ZNF518A: variants seen among roughly 807,000 people sequenced by gnomAD.
The protein encoded by ZNF518A is zinc finger protein 518.
A neutral mutation model predicts 102.7 loss-of-function variants in ZNF518A; 47 were observed. The observed-to-expected ratio is 0.46, with a 90% CI of 0.36 to 0.58. The LOEUF (loss-of-function observed/expected upper bound fraction) is 0.58. Among genes scored for constraint, ZNF518A ranks in the 20% least tolerant of loss-of-function variants. ZNF518A has a pLI of 0.00. For synonymous variants in ZNF518A, 652 were observed against 594.6 expected (o/e 1.10, Z -1.40); for missense variants, 1,793 against 1,699.8 (o/e 1.05, Z -0.96).
intron 3 of ZNF518A, among the ~76,000 whole-genome samples, chr10:96,146,086 A>G (rs373819516): frequency 1.1e-4 from 17 of 152,058 alleles, no homozygotes; most frequent in African/African-American, 3.6e-4. Flanking sequence ...ATTAAACTCT[A>G]TATGTCTACT....
chr10:96,137,102 C>A (rs1554874736), intron 3 of ZNF518A, among the ~76,000 whole-genome samples: 1 of 152,250 alleles, frequency 6.6e-6, no homozygotes, highest in Admixed American at 6.5e-5. Flanking sequence ...TCAGTCACAT[C>A]TGCGCACCTG....
Position 96,156,446 on chromosome 10 carries a change from C to A in ZNF518A, c.124C>A (p.His42Asn). 3.1e-6 allele frequency: 5 copies of A among 1,613,098 alleles called. No individual in the cohort carries two copies. Among genetic ancestry groups the A allele is most frequent in the Non-Finnish European group, 4.2e-6 (5 of 1,179,578 alleles). ...TAAACCAAAAATTTCAGGAAGTATT[C>A]ATTATGCACTAAAAAATGTGAAAAT... ...APKPKISGSIHYALKNVKIDL... is the reference protein window; with the variant it reads ...APKPKISGSINYALKNVKIDL... The change falls in exon 6 of 6, where the codon CAT (histidine) becomes AAT (asparagine). Residue 42 changes from histidine to asparagine, a missense_variant. His to Asn is a moderately conservative substitution (Grantham distance 68). This residue lies in a region of ZNF518A where 1,741 missense variants were observed against 1,622.6 expected (regional missense o/e 1.07). Coordinates refer to ENST00000316045, the MANE Select transcript of ZNF518A (RefSeq NM_001330736.2).
intron 3 of ZNF518A, among the ~76,000 whole-genome samples, chr10:96,146,503 TTTTA>T (rs143124573): frequency 0.07 from 10,659 of 152,238 alleles, 716 homozygotes; most frequent in African/African-American, 0.18. Context: ...GTTTTCTTGT[TTTTA>T]TTTGTTTTGA....
At position 96,158,519 on chromosome 10, in the gene ZNF518A, C is replaced by CT; in HGVS notation, c.2198dup (p.Tyr734ValfsTer3). 3 of 1,612,654 alleles carry CT rather than the reference C, an allele frequency of 1.9e-6. No individual in the cohort carries two copies. Among genetic ancestry groups the CT allele is most frequent in the Non-Finnish European group, 1.7e-6 (2 of 1,179,490 alleles). The stretch of plus-strand genomic sequence containing the variant: ...AGGACAAAACATTGATGGACAAAAC[C>CT]TGTACAGTAATGAAAATCAAAATTT... On this transcript the variant is annotated frameshift_variant, in exon 6 of 6. Transcript: ENST00000316045. LOFTEE classifies it high-confidence loss of function.
chr10:96,183,537 G>A (rs1199203515), intron 1 of ZNF518A, among the ~76,000 whole-genome samples: 2 of 152,196 alleles, frequency 1.3e-5, no homozygotes, highest in Non-Finnish European at 2.9e-5. Flanking sequence ...TCATTTCAAA[G>A]AACATCTTTA....
At chr10:96,150,591 A>G (rs958394115) in intron 3 of ZNF518A, among the ~76,000 whole-genome samples, 2 of 150,592 alleles carry the variant, frequency 1.3e-5, no homozygotes, top group African/African-American at 4.9e-5. Context: ...TTTCAAAATC[A>G]TTATTCCTCC....
downstream of ZNF518A, among the ~76,000 whole-genome samples, chr10:96,167,985 G>A (rs868918125): frequency 3.3e-5 from 5 of 152,168 alleles, no homozygotes; most frequent in Non-Finnish European, 4.4e-5. Flanking sequence ...TGAAAAATTT[G>A]CTCTATATGC....
rs781943716 is a variant in ZNF518A at position 96,156,722 on chromosome 10, G to A, written c.400G>A (p.Asp134Asn). 6.2e-7 allele frequency: 1 copy of A among 1,613,882 alleles called. No individual in the cohort carries two copies. Residue 134 changes from aspartate to asparagine, a missense_variant, in exon 6 of 6, where the codon GAT becomes AAT. Physicochemically the swap from Asp to Asn is conservative, Grantham distance 23. Coordinates refer to ENST00000316045, the MANE Select transcript of ZNF518A (RefSeq NM_001330736.2). ...AGACAACACTCGATATAGCCCAAAT[G>A]ATTTGCAGAAACACTTTCAAATGTG... is the stretch of plus-strand genomic sequence containing the variant. ...CRDNTRYSPN[D>N]LQKHFQMWHH...
At chr10:96,205,153 T>A (rs1469156813), downstream of ZNF518A, 1 of 159,870 alleles carries the variant, frequency 6.3e-6, no homozygotes, top group East Asian at 1.8e-4. Context: ...TAAATCTCAC[T>A]TGCATTTCAG....
rs1218764357 is a variant in ZNF518A at position 96,157,453 on chromosome 10, A to G, written c.1131A>G (p.Leu377=). The G allele has an allele frequency of 9.3e-6, 15 of 1,613,640 alleles. No individual in the cohort carries two copies. The highest frequency in any genetic ancestry group is 1.7e-5 in the Admixed American group (1 of 59,948). The change falls in exon 6 of 6, where the codon CTA becomes CTG. Residue 377 remains leucine, a synonymous_variant. Transcript: ENST00000316045. Reference sequence around the variant, plus strand: ...TAAGTGAAGAAAAGGATGAAAGACTACACTGTGAGAATAATGATAAAGCCC... The same window carrying G: ...TAAGTGAAGAAAAGGATGAAAGACTGCACTGTGAGAATAATGATAAAGCCC... ...EHLSEEKDER[L]HCENNDKAPE...
intron 3 of ZNF518A, among the ~76,000 whole-genome samples, chr10:96,137,098 A>G (rs1263519267): frequency 6.6e-6 from 1 of 152,230 alleles, no homozygotes; most frequent in Non-Finnish European, 1.5e-5. Flanking sequence ...TCTCTCAGTC[A>G]CATCTGCGCA....
intron 1 of ZNF518A, among the ~76,000 whole-genome samples, chr10:96,171,220 A>C (rs993562206): frequency 2.0e-5 from 3 of 152,196 alleles, no homozygotes; most frequent in Non-Finnish European, 2.9e-5. Flanking sequence ...AGGTGTTCAC[A>C]CAAAAATTTA....
At chr10:96,180,887 A>G (rs587721514) in intron 1 of ZNF518A, among the ~76,000 whole-genome samples, 6 of 152,322 alleles carry the variant, frequency 3.9e-5, no homozygotes, top group African/African-American at 1.2e-4. Flanking sequence ...GACAAATGGT[A>G]TTTCTAGTTC....
intron 3 of ZNF518A, among the ~76,000 whole-genome samples, chr10:96,153,995 C>A (rs1267634893): frequency 6.6e-6 from 1 of 152,196 alleles, no homozygotes; most frequent in African/African-American, 2.4e-5. Flanking sequence ...GAGTATCTTA[C>A]GAGATTAGAC....
At chr10:96,177,112 G>A (rs10748662) in intron 1 of ZNF518A, among the ~76,000 whole-genome samples, 46,253 of 150,074 alleles carry the variant, frequency 0.31, 8,216 homozygotes, top group East Asian at 0.66. Context: ...ATTTCTGAAA[G>A]CAAGTTATAA....
In ZNF518A at chr10:96,199,126, G is replaced by T. The variant is rs188489016; in HGVS notation, n.36-4448G>T. On this transcript the variant is annotated intron_variant and non_coding_transcript_variant, in intron 1 of 2. Coordinates refer to the ZNF518A transcript ENST00000442635. ...GTGGAAGTCCACCAAAGGACTGACG[G>T]AACACACTAATATATTTACTTGTAG... 3.3e-5 allele frequency among the ~76,000 whole-genome samples: 5 copies of T among 152,312 alleles called. No individual in the cohort carries two copies. The East Asian group carries it at 9.6e-4, about 29-fold the overall frequency.
At chr10:96,135,359 A>T (rs1054531144) in intron 3 of ZNF518A, 4 of 152,130 alleles carry the variant, frequency 2.6e-5, no homozygotes, top group Non-Finnish European at 5.9e-5. Flanking sequence ...TTGTGCCAAA[A>T]TTTTTTGTGT....
At chr10:96,196,218 C>T (rs1258095160) in intron 1 of ZNF518A, among the ~76,000 whole-genome samples, 2 of 152,158 alleles carry the variant, frequency 1.3e-5, no homozygotes, top group Non-Finnish European at 2.9e-5. Context: ...TTACATTCTA[C>T]CCATTTAAAT....
rs1452748440 is a variant in ZNF518A at position 96,157,263 on chromosome 10, T to A, written c.941T>A (p.Ile314Lys). 2.5e-6 allele frequency: 4 copies of A among 1,611,356 alleles called. No homozygotes were observed. In the African/African-American group the frequency reaches 5.4e-5, roughly 22 times the overall value. ...AAGACTTCTGCAGGACTTAAGCTAA[T>A]ACTGAAAAGATATAAAATAGGTGCA... Reference protein sequence around the residue: ...MAKTSAGLKLILKRYKIGASR... With the variant: ...MAKTSAGLKLKLKRYKIGASR... The change falls in exon 6 of 6, where the codon ATA becomes AAA. Residue 314 changes from isoleucine to lysine, a missense_variant. By Grantham distance (102) the Ile-to-Lys change is moderately radical. Around this residue, in one of 3 missense-constraint regions of ZNF518A, gnomAD observed 1,741 missense variants for 1,622.6 expected, o/e 1.07. Transcript: ENST00000316045.
Sources: gnomAD v4.1 joint callset for allele counts (sites outside exome capture counted in the v4.1 genomes callset) on GRCh38, gnomAD v4.1.1 for gene constraint, gnomAD v4.1.1 regional missense constraint, MANE v1.5 for transcripts, NCBI Gene and HGNC (gene_info 2026-07-23, HGNC 2026-07-21) for gene names.